The following NRG3 variants were observed in gnomAD, a reference collection of about 807,000 sequenced individuals.
NRG3 encodes the protein pro-neuregulin-3, membrane-bound isoform.
NRG3 carries 31 observed loss-of-function variants against 66.9 expected under a neutral mutation model. The observed-to-expected ratio is 0.46, with a 90% CI of 0.35 to 0.63. NRG3 has a LOEUF of 0.63. Ranked by LOEUF, NRG3 falls within the 20% of genes least tolerant of loss-of-function variation. NRG3 has a pLI of 0.00. For synonymous variants in NRG3, 393 were observed against 359.4 expected (o/e 1.09, Z -1.06); for missense variants, 910 against 878.9 (o/e 1.04, Z -0.45).
At chr10:82,354,516 A>G (rs529956726) in intron 1 of NRG3, among the ~76,000 whole-genome samples, 2 of 151,444 alleles carry the variant, frequency 1.3e-5, no homozygotes, top group African/African-American at 4.9e-5. Flanking sequence ...TCAGCCTTCC[A>G]AGTAACTGTG....
At chr10:82,876,234 C>T (rs914493946) in intron 4 of NRG3, among the ~76,000 whole-genome samples, 1 of 151,794 alleles carries the variant, frequency 6.6e-6, no homozygotes, top group African/African-American at 2.4e-5. Flanking sequence ...TGTTAAATAA[C>T]TAGATTGGAA....
At chr10:82,625,612 G>C (rs777419566) in intron 2 of NRG3, among the ~76,000 whole-genome samples, 2 of 152,122 alleles carry the variant, frequency 1.3e-5, no homozygotes, top group Non-Finnish European at 2.9e-5. Flanking sequence ...CATCTGTCTG[G>C]TCTTTGGAAA....
intron 4 of NRG3, among the ~76,000 whole-genome samples, chr10:82,945,466 AAG>A (rs1301411542): frequency 1.3e-5 from 2 of 152,158 alleles, no homozygotes; most frequent in Non-Finnish European, 2.9e-5. Context: ...ATTTTGAAAA[AAG>A]AAATTTATTT....
intron 2 of NRG3, among the ~76,000 whole-genome samples, chr10:82,679,809 G>A (rs1443823688): frequency 1.3e-5 from 2 of 152,090 alleles, no homozygotes; most frequent in Non-Finnish European, 2.9e-5. Flanking sequence ...AAGGTTTGGA[G>A]CTGGGATTCT....
intron 1 of NRG3, among the ~76,000 whole-genome samples, chr10:81,940,225 A>T (rs1197218902): frequency 6.6e-6 from 1 of 152,100 alleles, no homozygotes; most frequent in Non-Finnish European, 1.5e-5. Context: ...TATGCTTGAG[A>T]AGAATGTGTA....
chr10:82,558,348 G>A (rs956455393), intron 2 of NRG3, among the ~76,000 whole-genome samples: 2 of 152,234 alleles, frequency 1.3e-5, no homozygotes, highest in Middle Eastern at 3.4e-3. Context: ...AACCCCTTGG[G>A]TGTCTCTCAG....
intron 3 of NRG3, among the ~76,000 whole-genome samples, chr10:82,855,993 G>C (rs530802): frequency 0.46 from 69,572 of 151,980 alleles, 16,253 homozygotes; most frequent in Non-Finnish European, 0.49. Flanking sequence ...TTCCAGAATT[G>C]TAGATTCAAG....
At chr10:82,376,558 A>G (rs2085250085) in intron 2 of NRG3, among the ~76,000 whole-genome samples, 1 of 152,178 alleles carries the variant, frequency 6.6e-6, no homozygotes, top group East Asian at 1.9e-4. Context: ...GGTCCTTTAC[A>G]CACTCACAGA....
intron 1 of NRG3, chr10:81,878,224 G>T: frequency 1.4e-6 from 1 of 719,764 alleles, no homozygotes; most frequent in Non-Finnish European, 2.2e-6. Context: ...TCTGTAAATG[G>T]TGTCAATGTT....
At chr10:82,229,416 A>G (rs145647458) in intron 1 of NRG3, among the ~76,000 whole-genome samples, 5 of 152,236 alleles carry the variant, frequency 3.3e-5, no homozygotes, top group African/African-American at 1.2e-4. Context: ...AGGAAGAAAT[A>G]TAGCAAGGAA....
chr10:82,407,594 G>T (rs1190214203), intron 2 of NRG3, among the ~76,000 whole-genome samples: 6 of 152,166 alleles, frequency 3.9e-5, no homozygotes. Context: ...GCTTAGTTTA[G>T]CTTACAGATG....
chr10:81,977,589 A>G (rs1414771329), intron 1 of NRG3, among the ~76,000 whole-genome samples: 1 of 152,174 alleles, frequency 6.6e-6, no homozygotes, highest in African/African-American at 2.4e-5. Context: ...TCTTTTTACT[A>G]GTACCATGGT....
At chr10:82,869,567 A>ATTTATTTTAT (rs55739136) in intron 4 of NRG3, among the ~76,000 whole-genome samples, 15,780 of 112,956 alleles carry the variant, frequency 0.14, 1,510 homozygotes, top group East Asian at 0.22. Context: ...GGTCTTTTTT[A>ATTTATTTTAT]TTTATTTTAT....
At chr10:82,643,749 CTG>C (rs200012491) in intron 2 of NRG3, among the ~76,000 whole-genome samples, 2,439 of 152,122 alleles carry the variant, frequency 0.016, 72 homozygotes, top group African/African-American at 0.054. Context: ...TTCAAGTACA[CTG>C]TGTATGCTTC....
At chr10:82,344,180 A>G (rs2082848896) in intron 1 of NRG3, among the ~76,000 whole-genome samples, 1 of 149,682 alleles carries the variant, frequency 6.7e-6, no homozygotes, top group Non-Finnish European at 1.5e-5. Context: ...GTCATGTAGC[A>G]TTAGGTATAT....
chr10:82,058,935 T>C (rs1398097994), intron 1 of NRG3, among the ~76,000 whole-genome samples: 3 of 152,150 alleles, frequency 2.0e-5, no homozygotes, highest in African/African-American at 7.2e-5. Context: ...AGGGGTGATT[T>C]GAAGTCTGTA....
intron 2 of NRG3, among the ~76,000 whole-genome samples, chr10:82,640,456 A>G (rs1362136073): frequency 6.6e-6 from 1 of 152,158 alleles, no homozygotes; most frequent in East Asian, 1.9e-4. Flanking sequence ...ATTTCTTCAT[A>G]TTAAGTCCTA....
intron 1 of NRG3, among the ~76,000 whole-genome samples, chr10:81,970,576 A>G (rs1445550388): frequency 6.6e-6 from 1 of 152,122 alleles, no homozygotes; most frequent in Non-Finnish European, 1.5e-5. Flanking sequence ...TTATTTGCAA[A>G]TTAAGTATTT....
rs1564564418 is a variant in NRG3 at position 82,102,104 on chromosome 10, ATGTG to A, written c.823+225943_823+225946del. The stretch of plus-strand genomic sequence containing the variant: ...TATATATGTGTATTCATATATATAT[ATGTG>A]TATTCATATATATATATGTGTATTC... On this transcript the variant is annotated intron_variant, in intron 1 of 8. Coordinates refer to ENST00000372141, the MANE Select transcript of NRG3 (RefSeq NM_001010848.4). Among the ~76,000 whole-genome samples the A allele has an allele frequency of 1.9e-3, 206 of 106,272 alleles. 6 individuals carry two copies. The highest frequency in any genetic ancestry group is 6.2e-3 in the East Asian group (18 of 2,890). 69.7% of individuals were successfully genotyped at this position (106,272 alleles called of 152,430 possible).
Sources: allele counts gnomAD v4.1 joint callset (sites outside exome capture counted in the v4.1 genomes callset), GRCh38; gene constraint gnomAD v4.1.1; transcripts MANE v1.5; gene names NCBI Gene and HGNC (gene_info 2026-07-23, HGNC 2026-07-21).